The following ZFAND4 variants were observed in gnomAD, a reference collection of about 807,000 sequenced individuals.
ZFAND4 encodes zinc finger AN1-type containing 4, also known as AN1-type zinc finger protein 4.
ZFAND4 carries 43 observed loss-of-function variants against 64.4 expected under a neutral mutation model. That is an observed-to-expected ratio of 0.67 (90% CI 0.52 to 0.86). The LOEUF (loss-of-function observed/expected upper bound fraction) is 0.86, where lower values mean the gene tolerates loss of function less well. ZFAND4 is among the 40% of genes least tolerant of loss of function. The probability of loss-of-function intolerance (pLI) is 0.00; values close to 1 mark genes in which losing one functional copy is unlikely to be tolerated. For missense variants in ZFAND4, 929 were observed against 859.8 expected (o/e 1.08, Z -1.01); for synonymous variants, 296 against 305.7 (o/e 0.97, Z 0.33).
intron 2 of ZFAND4, among the ~76,000 whole-genome samples, chr10:45,656,652 T>C (rs1459103411): frequency 6.7e-6 from 1 of 150,318 alleles, no homozygotes; most frequent in African/African-American, 2.5e-5. Context: ...AAAAAAGATA[T>C]ACAGATAATG....
In ZFAND4 at chr10:45,626,778, C is replaced by A. The variant is rs760757010; in HGVS notation, c.1045G>T (p.Asp349Tyr). The A allele has an allele frequency of 1.2e-6, 2 of 1,614,158 alleles. No homozygotes were observed. Among genetic ancestry groups the A allele is most frequent in the South Asian group, 1.1e-5 (1 of 91,056 alleles). The change falls in exon 7 of 10, where the codon GAC (aspartate) becomes TAC (tyrosine). Residue 349 changes from aspartate (D) to tyrosine (Y), a missense_variant. By Grantham distance (160) the Asp-to-Tyr change is radical. Coordinates refer to ENST00000344646, the MANE Select transcript of ZFAND4 (RefSeq NM_174890.4). Reference sequence around the variant, plus strand: ...AGAACAGAGTCAGCAAGCTCCTGGTCATTTCCCAACTCCAAATGGGGTATC... The same window carrying A: ...AGAACAGAGTCAGCAAGCTCCTGGTAATTTCCCAACTCCAAATGGGGTATC... The part of the protein sequence containing the change: ...PQIPHLELGN[D>Y]QELADSVLHL...
At chr10:45,633,336 A>G (rs1251643698) in intron 6 of ZFAND4, among the ~76,000 whole-genome samples, 4 of 152,162 alleles carry the variant, frequency 2.6e-5, no homozygotes, top group Admixed American at 2.0e-4. Flanking sequence ...ATTAGATCCC[A>G]AAGAATAAAA....
chr10:45,647,061 C>T (rs533024892), intron 5 of ZFAND4, among the ~76,000 whole-genome samples: 1 of 152,292 alleles, frequency 6.6e-6, no homozygotes, highest in East Asian at 1.9e-4. Flanking sequence ...GTTCACATCA[C>T]ATATGGTTTC....
At chr10:45,629,569 C>A (rs2046068378) in intron 6 of ZFAND4, among the ~76,000 whole-genome samples, 2 of 152,074 alleles carry the variant, frequency 1.3e-5, no homozygotes, top group Non-Finnish European at 1.5e-5. Context: ...ATAAGAGTGT[C>A]ATTGATTTGA....
intron 8 of ZFAND4, among the ~76,000 whole-genome samples, chr10:45,619,935 A>G (rs2045290577): frequency 6.6e-6 from 1 of 152,210 alleles, no homozygotes; most frequent in Non-Finnish European, 1.5e-5. Flanking sequence ...GAGTAATTCC[A>G]TTATTTAAAG....
chr10:45,621,631 G>A (rs540398843), intron 8 of ZFAND4, among the ~76,000 whole-genome samples: 8 of 151,868 alleles, frequency 5.3e-5, no homozygotes, highest in South Asian at 4.2e-4. Flanking sequence ...AGTCCCAGCT[G>A]CTCGGGAGGC....
chr10:45,651,437 A>G, intron 4 of ZFAND4: 2 of 395,108 alleles, frequency 5.1e-6, no homozygotes, highest in Non-Finnish European at 1.0e-5. Flanking sequence ...GGAACATTGC[A>G]CTGACCATTC....
chr10:45,634,196 T>C (rs891370369), intron 6 of ZFAND4, among the ~76,000 whole-genome samples: 3 of 152,198 alleles, frequency 2.0e-5, no homozygotes, highest in African/African-American at 4.8e-5. Flanking sequence ...AAAATATTAA[T>C]TGATGAATCT....
intron 5 of ZFAND4, among the ~76,000 whole-genome samples, chr10:45,646,056 T>C (rs1320898413): frequency 4.6e-5 from 7 of 152,190 alleles, no homozygotes; most frequent in Non-Finnish European, 7.3e-5. Flanking sequence ...ACTTTTGCAA[T>C]TGACTTTGCA....
intron 5 of ZFAND4, among the ~76,000 whole-genome samples, chr10:45,640,928 A>T (rs1303456684): frequency 1.3e-5 from 2 of 152,220 alleles, no homozygotes; most frequent in Non-Finnish European, 2.9e-5. Flanking sequence ...CAGGTTAAAC[A>T]TTTCAATTAC....
chr10:45,639,846 A>C lies in ZFAND4; in HGVS notation c.687T>G (p.Ala229=), dbSNP rs1245392818. Residue 229 remains alanine (A), a synonymous_variant, in exon 6 of 10, where the codon GCT becomes GCG. Coordinates refer to ENST00000344646, the MANE Select transcript of ZFAND4 (RefSeq NM_174890.4). ...ITMNKMKLLK[A]KMKNMNLSKK... Reference sequence around the variant, plus strand: ...TGCTGAGATTCATGTTCTTCATCTTAGCCTTCAGCAGCTTCATCTTATTCA... The same window carrying C: ...TGCTGAGATTCATGTTCTTCATCTTCGCCTTCAGCAGCTTCATCTTATTCA... 2 of 1,611,980 alleles carry C rather than the reference A, an allele frequency of 1.2e-6. No homozygotes were observed. The highest frequency in any genetic ancestry group is 2.7e-5 in the African/African-American group (2 of 74,786).
chr10:45,639,750 C>A, intron 6 of ZFAND4, 66 bp downstream of exon 6: 3 of 1,503,518 alleles, frequency 2.0e-6, no homozygotes, highest in Non-Finnish European at 2.7e-6. Flanking sequence ...GACCAACAGA[C>A]CTCATTGCTG....
At position 45,626,055 on chromosome 10, in the gene ZFAND4, T is replaced by C. The variant is rs760898431; in HGVS notation, c.1768A>G (p.Arg590Gly). ...NRLQSTRGAG[R>G]LQNSGTGLST... Reference sequence around the variant, plus strand: ...AGCCCAGTTCCAGAGTTCTGAAGCCTGCCTGCCCCACGTGTGCTCTGTAAT... The same window carrying C: ...AGCCCAGTTCCAGAGTTCTGAAGCCCGCCTGCCCCACGTGTGCTCTGTAAT... Residue 590 changes from arginine to glycine, a missense_variant, in exon 7 of 10, where the codon AGG (arginine) becomes GGG (glycine). Coordinates refer to ENST00000344646, the MANE Select transcript of ZFAND4 (RefSeq NM_174890.4). The C allele has an allele frequency of 4.3e-6, 7 of 1,614,166 alleles. No individual in the cohort carries two copies. The Admixed American group carries it at 6.7e-5, about 15-fold the overall frequency.
intron 4 of ZFAND4, chr10:45,651,032 A>G (rs2047724054): frequency 1.3e-5 from 2 of 152,230 alleles, no homozygotes; most frequent in Admixed American, 1.3e-4. Context: ...AAAATTATTA[A>G]ACATAGGGAT....
intron 5 of ZFAND4, 55 bp downstream of exon 5, chr10:45,648,239 T>C (rs1182362852): frequency 6.8e-7 from 1 of 1,469,018 alleles, no homozygotes; most frequent in East Asian, 2.4e-5. Context: ...ATGACATTTG[T>C]TAATATATAT....
chr10:45,654,335 A>C (rs1471085740), intron 2 of ZFAND4, among the ~76,000 whole-genome samples: 1 of 152,116 alleles, frequency 6.6e-6, no homozygotes, highest in Non-Finnish European at 1.5e-5. Flanking sequence ...AAAAAAAGAT[A>C]TTGGGCTGGG....
chr10:45,663,113 A>G (rs1007156523), intron 2 of ZFAND4, among the ~76,000 whole-genome samples: 4 of 149,848 alleles, frequency 2.7e-5, no homozygotes, highest in East Asian at 2.0e-4. Flanking sequence ...AAACCTCCAC[A>G]TTAAAAAAAA....
chr10:45,625,888 C>G (rs1207027113), intron 7 of ZFAND4, 63 bp downstream of exon 7: 2 of 1,468,102 alleles, frequency 1.4e-6, no homozygotes, highest in African/African-American at 2.8e-5. Flanking sequence ...AAAAACCAAA[C>G]TTTAAATAAG....
rs1408585122 is a variant in ZFAND4 at position 45,663,786 on chromosome 10, C to A, written c.-61G>T. The stretch of plus-strand genomic sequence containing the variant: ...CAGGCAACTGTATTCCAGTTCTAGG[C>A]AAACCAGGTTTGAAGATTGGTAATA... On this transcript the variant is annotated 5_prime_UTR_variant, in exon 2 of 10. Transcript: ENST00000344646. The A allele has an allele frequency of 1.4e-6, 2 of 1,421,978 alleles. No homozygotes were observed. The highest frequency in any genetic ancestry group is 2.7e-5 in the Admixed American group (1 of 36,554). 88.1% of individuals were successfully genotyped at this position (1,421,978 alleles called of 1,614,324 possible). A position where few individuals can be genotyped will look rare whatever the true frequency, so the allele number is the denominator to read the frequency against.
Sources: gnomAD v4.1 joint callset for allele counts (sites outside exome capture counted in the v4.1 genomes callset) on GRCh38, gnomAD v4.1.1 for gene constraint, MANE v1.5 for transcripts, NCBI Gene and HGNC (gene_info 2026-07-23, HGNC 2026-07-21) for gene names.